Variants in SETBP1 observed in about 807,000 individuals in gnomAD.
SETBP1 encodes the protein SET-binding protein.
Under a neutral mutation model 101.0 loss-of-function variants are expected in SETBP1, and 9 were observed. The ratio of observed to expected loss-of-function variants is 0.09; its 90% CI spans 0.05 to 0.16. The LOEUF (loss-of-function observed/expected upper bound fraction) is 0.16. Ranked by LOEUF, SETBP1 falls within the 10% of genes least tolerant of loss-of-function variation. SETBP1 has a pLI of 1.00. For missense variants in SETBP1, 1,858 were observed against 2,033.8 expected (o/e 0.91, Z 1.66); for synonymous variants, 818 against 788.5 (o/e 1.04, Z -0.63).
intron 4 of SETBP1, among the ~76,000 whole-genome samples, chr18:45,007,080 CTG>C (rs2072745483): frequency 1.3e-5 from 2 of 152,174 alleles, no homozygotes; most frequent in South Asian, 4.1e-4. Context: ...TCAGTATAAA[CTG>C]TGAAGTTGGG....
At chr18:44,827,513 C>T (rs1391216546) in intron 2 of SETBP1, among the ~76,000 whole-genome samples, 1 of 152,208 alleles carries the variant, frequency 6.6e-6, no homozygotes, top group Non-Finnish European at 1.5e-5. Flanking sequence ...TTCTTCATTG[C>T]AACATATACA....
intron 4 of SETBP1, among the ~76,000 whole-genome samples, chr18:44,997,065 C>T (rs1428589516): frequency 6.6e-6 from 1 of 152,180 alleles, no homozygotes; most frequent in Non-Finnish European, 1.5e-5. Flanking sequence ...ATGAGGAGAA[C>T]ATCTTGGGAG....
chr18:44,738,642 C>T (rs2070028504), intron 2 of SETBP1, among the ~76,000 whole-genome samples: 1 of 151,956 alleles, frequency 6.6e-6, no homozygotes, highest in Non-Finnish European at 1.5e-5. Flanking sequence ...GGTGTGGTGG[C>T]ACATGCCTGG....
At chr18:44,865,464 C>G (rs1187543363) in intron 2 of SETBP1, among the ~76,000 whole-genome samples, 1 of 152,192 alleles carries the variant, frequency 6.6e-6, no homozygotes, top group Non-Finnish European at 1.5e-5. Context: ...AACTGCCTCC[C>G]TCAGGCCCTG....
intron 3 of SETBP1, among the ~76,000 whole-genome samples, chr18:44,872,942 G>A (rs1243812848): frequency 1.3e-5 from 2 of 152,226 alleles, no homozygotes; most frequent in African/African-American, 4.8e-5. Flanking sequence ...TCAGAGAATA[G>A]GATACTTCCT....
intron 2 of SETBP1, among the ~76,000 whole-genome samples, chr18:44,785,622 C>G (rs1475679542): frequency 6.6e-6 from 1 of 152,206 alleles, no homozygotes. Context: ...CAGCCCTCAT[C>G]TCCCCATTAG....
At chr18:44,732,193 C>T (rs941130097) in intron 2 of SETBP1, among the ~76,000 whole-genome samples, 1 of 152,194 alleles carries the variant, frequency 6.6e-6, no homozygotes, top group Non-Finnish European at 1.5e-5. Context: ...TAGACGATCA[C>T]ATACCCTCGT....
Position 44,772,679 on chromosome 18 carries a change from G to C in SETBP1, c.486+70847G>C, listed in dbSNP as rs554173374. Among the ~76,000 whole-genome samples, 4 of 152,300 alleles carry C rather than the reference G, an allele frequency of 2.6e-5. No individual in the cohort carries two copies. In the South Asian group the frequency reaches 8.3e-4, roughly 32 times the overall value. On this transcript the variant is annotated intron_variant, in intron 2 of 5. Transcript: ENST00000649279. The stretch of plus-strand genomic sequence containing the variant: ...CTTTGCACTTGGACTGAACTGGTTT[G>C]AATCCAGCTCCACTAGATACTACCA...
At chr18:44,680,134 T>G (rs1291258259), upstream of SETBP1, 3 of 140,528 alleles carry the variant, frequency 2.1e-5, no homozygotes, top group Admixed American at 7.0e-5. Flanking sequence ...TCTCTCTCCA[T>G]AAATCGGTGG....
chr18:44,728,618 G>C (rs1178928728), intron 2 of SETBP1, among the ~76,000 whole-genome samples: 1 of 152,178 alleles, frequency 6.6e-6, no homozygotes, highest in Non-Finnish European at 1.5e-5. Context: ...AAATAAAATG[G>C]TAATTATAAA....
At chr18:44,997,418 C>T (rs538054994) in intron 4 of SETBP1, among the ~76,000 whole-genome samples, 1 of 152,238 alleles carries the variant, frequency 6.6e-6, no homozygotes, top group East Asian at 1.9e-4. Context: ...AGCCCATTGC[C>T]AGTGTTATGC....
chr18:44,854,663 G>C (rs2072936816), intron 2 of SETBP1, among the ~76,000 whole-genome samples: 1 of 152,158 alleles, frequency 6.6e-6, no homozygotes, highest in African/African-American at 2.4e-5. Context: ...CTTCACTCCT[G>C]TCTTAACCTC....
At chr18:45,013,186 A>G (rs1228921975) in intron 4 of SETBP1, among the ~76,000 whole-genome samples, 4 of 152,192 alleles carry the variant, frequency 2.6e-5, no homozygotes, top group South Asian at 2.1e-4. Flanking sequence ...GCCTCCTGCC[A>G]TTCCTGGAGG....
intron 4 of SETBP1, among the ~76,000 whole-genome samples, chr18:45,011,824 GAA>G (rs1293093195): frequency 6.6e-6 from 1 of 152,198 alleles, no homozygotes; most frequent in African/African-American, 2.4e-5. Flanking sequence ...CTCAGAAGAT[GAA>G]AGATGGAGAT....
rs1423133535 is a variant in SETBP1 at position 45,038,638 on chromosome 18, C to CAGCAACGTCGGATGCAGGTGAGCACTT, written c.4155_4171+10dup. ...GTGTTATCTCTCCTTGCTGCATCTGCAGCAACGTCGGATGCAGGTGAGCAC... is the reference window on the plus strand; with the variant it reads ...GTGTTATCTCTCCTTGCTGCATCTGCAGCAACGTCGGATGCAGGTGAGCACTTAGCAACGTCGGATGCAGGTGAGCAC... On this transcript the variant is annotated inframe_insertion, in exon 5 of 6. Transcript: ENST00000649279. The CAGCAACGTCGGATGCAGGTGAGCACTT allele has an allele frequency of 2.5e-6, 4 of 1,614,050 alleles. No individual in the cohort carries two copies. The highest frequency in any genetic ancestry group is 2.5e-6 in the Non-Finnish European group (3 of 1,180,018).
chr18:44,702,539 T>C lies in SETBP1; in HGVS notation c.486+707T>C, dbSNP rs905539225. ...CTGTTTATTGTATAACAGCCAAGTG[T>C]CTGGGTCAGCTAAGCCATAACAAAC... is the stretch of plus-strand genomic sequence containing the variant. On this transcript the variant is annotated intron_variant, in intron 2 of 5. Coordinates refer to ENST00000649279, the MANE Select transcript of SETBP1 (RefSeq NM_015559.3). Among the ~76,000 whole-genome samples, 4 of 152,236 alleles carry C rather than the reference T, an allele frequency of 2.6e-5. 1 individual carries two copies. The highest frequency in any genetic ancestry group is 4.1e-4 in the South Asian group (2 of 4,832).
At chr18:44,992,054 A>C (rs117867674) in intron 4 of SETBP1, among the ~76,000 whole-genome samples, 120 of 152,274 alleles carry the variant, frequency 7.9e-4, no homozygotes, top group Admixed American at 1.4e-3. Context: ...TTTAGAACTG[A>C]ATAATAGTGA....
intron 3 of SETBP1, among the ~76,000 whole-genome samples, chr18:44,901,679 C>A (rs2070049647): frequency 6.6e-6 from 1 of 152,132 alleles, no homozygotes; most frequent in Non-Finnish European, 1.5e-5. Flanking sequence ...CCTTTCCTGT[C>A]ATTACAGCCA....
intron 3 of SETBP1, among the ~76,000 whole-genome samples, chr18:44,946,786 A>C (rs936270775): frequency 6.6e-6 from 1 of 152,214 alleles, no homozygotes; most frequent in African/African-American, 2.4e-5. Flanking sequence ...AAGTACTTAT[A>C]GTCTAGGAAA....
Sources: allele counts gnomAD v4.1 joint callset (sites outside exome capture counted in the v4.1 genomes callset), GRCh38; gene constraint gnomAD v4.1.1; transcripts MANE v1.5; gene names NCBI Gene and HGNC (gene_info 2026-07-23, HGNC 2026-07-21).